WDPCP: variants seen among roughly 807,000 people sequenced by gnomAD.
WDPCP encodes WD repeat-containing and planar cell polarity effector protein fritz homolog.
A neutral mutation model predicts 93.1 loss-of-function variants in WDPCP; 71 were observed. The ratio of observed to expected loss-of-function variants is 0.76; its 90% CI spans 0.63 to 0.93. WDPCP has a LOEUF of 0.93. Ranked by LOEUF, WDPCP falls within the 40% of genes least tolerant of loss-of-function variation. WDPCP has a pLI of 0.00. For synonymous variants in WDPCP, 315 were observed against 315.0 expected (o/e 1.00, Z 0.00); for missense variants, 844 against 887.4 (o/e 0.95, Z 0.62).
intron 14 of WDPCP, among the ~76,000 whole-genome samples, chr2:63,225,154 A>G (rs1204893036): frequency 1.3e-5 from 2 of 151,978 alleles, no homozygotes; most frequent in Non-Finnish European, 2.9e-5. Context: ...CAGTACATAC[A>G]TTTAACAAAA....
chr2:63,761,831 C>T (rs1276043321), intron 2 of WDPCP, among the ~76,000 whole-genome samples: 1 of 152,186 alleles, frequency 6.6e-6, no homozygotes, highest in East Asian at 1.9e-4. Flanking sequence ...TTGTATCCTT[C>T]AATCCAGTCA....
intron 2 of WDPCP, among the ~76,000 whole-genome samples, chr2:63,738,347 G>A (rs1385407965): frequency 1.7e-5 from 2 of 119,578 alleles, no homozygotes; most frequent in Non-Finnish European, 4.0e-5. Flanking sequence ...ACAACAGAAT[G>A]TTCAGCAAAT....
At chr2:63,282,539 C>T (rs1054317870) in intron 13 of WDPCP, among the ~76,000 whole-genome samples, 1 of 151,920 alleles carries the variant, frequency 6.6e-6, no homozygotes, top group Non-Finnish European at 1.5e-5. Flanking sequence ...ACACATAGAT[C>T]GATGGAACAG....
intron 13 of WDPCP, among the ~76,000 whole-genome samples, chr2:63,293,783 T>C (rs771591841): frequency 2.6e-5 from 4 of 152,050 alleles, no homozygotes; most frequent in Non-Finnish European, 5.9e-5. Flanking sequence ...TCAGGAACTT[T>C]GAAGACAGGA....
chr2:63,715,836 A>G (rs939443965), intron 2 of WDPCP, among the ~76,000 whole-genome samples: 3 of 152,348 alleles, frequency 2.0e-5, no homozygotes, highest in Admixed American at 2.0e-4. Context: ...GGCAAGAACA[A>G]TACTTAAGGT....
intron 14 of WDPCP, among the ~76,000 whole-genome samples, chr2:63,175,394 A>C (rs981793289): frequency 7.0e-6 from 1 of 142,022 alleles, no homozygotes; most frequent in Non-Finnish European, 1.5e-5. Context: ...ATTTTTTGTA[A>C]GAAACATAAA....
intron 2 of WDPCP, among the ~76,000 whole-genome samples, chr2:63,718,787 A>T (rs1365536816): frequency 6.6e-6 from 1 of 152,244 alleles, no homozygotes; most frequent in Non-Finnish European, 1.5e-5. Flanking sequence ...CTTCAAAAAA[A>T]TACAGAAAGG....
At position 63,234,620 on chromosome 2, in the gene WDPCP, C is replaced by T. The variant is rs141954299; in HGVS notation, c.1915+24687G>A. On this transcript the variant is annotated intron_variant, in intron 14 of 17. Coordinates refer to ENST00000272321, the MANE Select transcript of WDPCP (RefSeq NM_015910.7). ...GCTTTTGTTAATTTTGTAGACAATA[C>T]ACAGGTGATAAACATTAAAGAAGAA... Among the ~76,000 whole-genome samples, 69 of 152,164 alleles carry T rather than the reference C, an allele frequency of 4.5e-4. No individual in the cohort carries two copies. In the East Asian group the frequency reaches 0.012, roughly 26 times the overall value.
At chr2:63,227,016 T>A (rs1017747260) in intron 14 of WDPCP, among the ~76,000 whole-genome samples, 6 of 151,920 alleles carry the variant, frequency 3.9e-5, no homozygotes, top group Non-Finnish European at 8.8e-5. Flanking sequence ...ACTTCTTTTT[T>A]GATTAATAAG....
At chr2:63,202,479 C>T (rs1265125623) in intron 14 of WDPCP, among the ~76,000 whole-genome samples, 2 of 152,112 alleles carry the variant, frequency 1.3e-5, no homozygotes, top group African/African-American at 2.4e-5. Context: ...AGATCTACCT[C>T]ATTGATTATG....
At chr2:63,828,425 A>C (rs749165163), upstream of WDPCP, among the ~76,000 whole-genome samples, 7 of 152,090 alleles carry the variant, frequency 4.6e-5, no homozygotes, top group Non-Finnish European at 8.8e-5. Context: ...ATATTATATG[A>C]AATATTTGTT....
At chr2:63,364,601 C>G (rs543462159) in intron 12 of WDPCP, among the ~76,000 whole-genome samples, 5 of 152,182 alleles carry the variant, frequency 3.3e-5, no homozygotes, top group African/African-American at 4.8e-5. Flanking sequence ...CCCAAACCCA[C>G]CACTGTGATA....
intron 2 of WDPCP, among the ~76,000 whole-genome samples, chr2:63,681,325 G>A (rs1380547363): frequency 6.6e-6 from 1 of 152,132 alleles, no homozygotes; most frequent in African/African-American, 2.4e-5. Flanking sequence ...TCCGAAGGGT[G>A]AGTCACAGGC....
At chr2:63,365,376 C>T (rs1000296030) in intron 12 of WDPCP, among the ~76,000 whole-genome samples, 1 of 152,178 alleles carries the variant, frequency 6.6e-6, no homozygotes, top group Non-Finnish European at 1.5e-5. Context: ...TAATAATATT[C>T]AGTTACCTTT....
intron 14 of WDPCP, among the ~76,000 whole-genome samples, chr2:63,204,249 T>G (rs1229191538): frequency 6.6e-6 from 1 of 151,992 alleles, no homozygotes; most frequent in East Asian, 1.9e-4. Context: ...CCATTTTAAT[T>G]GGGGTGAGAT....
chr2:63,188,450 C>T (rs1211618117), intron 14 of WDPCP, among the ~76,000 whole-genome samples: 3 of 151,672 alleles, frequency 2.0e-5, no homozygotes, highest in Admixed American at 6.6e-5. Flanking sequence ...GCCATTGAAC[C>T]CCTCTAGTGA....
chr2:63,262,539 C>CAAAAAAAA (rs5831658), intron 13 of WDPCP, among the ~76,000 whole-genome samples: 1 of 130,078 alleles, frequency 7.7e-6, no homozygotes, highest in Non-Finnish European at 1.7e-5. Flanking sequence ...CCATATAAGC[C>CAAAAAAAA]AAAAAAAAAA....
At chr2:63,666,874 C>T (rs539095081) in intron 2 of WDPCP, among the ~76,000 whole-genome samples, 2 of 152,150 alleles carry the variant, frequency 1.3e-5, no homozygotes, top group Non-Finnish European at 2.9e-5. Flanking sequence ...AGCATTGGAA[C>T]CTTGTCAAAT....
chr2:63,545,423 T>C (rs1489193013), intron 1 of WDPCP, among the ~76,000 whole-genome samples: 1 of 151,674 alleles, frequency 6.6e-6, no homozygotes, highest in Non-Finnish European at 1.5e-5. Flanking sequence ...AGGGCTTCAA[T>C]CCAAATTGAA....
Sources: gnomAD v4.1 joint callset for allele counts (sites outside exome capture counted in the v4.1 genomes callset) on GRCh38, gnomAD v4.1.1 for gene constraint, MANE v1.5 for transcripts, NCBI Gene and HGNC (gene_info 2026-07-23, HGNC 2026-07-21) for gene names.